The following KIR3DL2 variants were observed in gnomAD, a reference collection of about 807,000 sequenced individuals.
KIR3DL2 encodes the protein killer cell immunoglobulin like receptor, three Ig domains and long cytoplasmic tail 2.
In KIR3DL2, 42 loss-of-function variants were observed where a neutral mutation model predicts 41.6. The observed-to-expected ratio is 1.01, with a 90% CI of 0.79 to 1.31. The LOEUF (loss-of-function observed/expected upper bound fraction) is 1.31. Ranked by LOEUF, KIR3DL2 falls within the 50% of genes most tolerant of loss-of-function variation. The pLI, the probability that KIR3DL2 is intolerant of heterozygous loss-of-function variation, is 0.00. For synonymous variants in KIR3DL2, 230 were observed against 221.3 expected (o/e 1.04, Z -0.35); for missense variants, 728 against 576.8 (o/e 1.26, Z -2.68).
At position 54,866,501 on chromosome 19, in the gene KIR3DL2, T is replaced by C. The variant is rs756095487; in HGVS notation, c.1159-21T>C. ...GAAAAATGTGAGCACCCTCCCTCAC[T>C]CAGCATTTCCCTCTCTCCAGGACTC... is the stretch of plus-strand genomic sequence containing the variant. On this transcript the variant is annotated intron_variant, in intron 8 of 8. Transcript: ENST00000326321. The C allele has an allele frequency of 1.9e-6, 3 of 1,614,018 alleles. No homozygotes were observed. In the South Asian group the frequency reaches 3.3e-5, roughly 18 times the overall value.
Position 54,851,127 on chromosome 19 carries a change from G to C in KIR3DL2, c.35-93G>C, listed in dbSNP as rs1176064332. ...GCTAAGTTTACCTTCAGCCCAGCAAGGGCCTGGCTGCCAAGACACACAGTG... is the reference window on the plus strand; with the variant it reads ...GCTAAGTTTACCTTCAGCCCAGCAACGGCCTGGCTGCCAAGACACACAGTG... On this transcript the variant is annotated intron_variant, in intron 1 of 8. Transcript: ENST00000326321. 7 of 1,498,452 alleles carry C rather than the reference G, an allele frequency of 4.7e-6. No homozygotes were observed. In the African/African-American group the frequency reaches 8.4e-5, roughly 18 times the overall value. 92.8% of individuals were successfully genotyped at this position (1,498,452 alleles called of 1,614,324 possible).
intron 2 of KIR3DL2, 66 bp from the exon 3 acceptor site, chr19:54,851,932 T>C: frequency 1.3e-6 from 2 of 1,577,318 alleles, no homozygotes; most frequent in South Asian, 1.1e-5. Context: ...GAGAATCTTC[T>C]GAGCACAGGG....
intron 1 of KIR3DL2, among the ~76,000 whole-genome samples, 188 bp downstream of exon 1, chr19:54,850,697 C>T (rs2064124088): frequency 6.0e-5 from 7 of 116,716 alleles, no homozygotes; most frequent in African/African-American, 1.0e-4. Flanking sequence ...GAGATATGGG[C>T]CTGGGTGTGG....
chr19:54,866,780 A>G lies in KIR3DL2; in HGVS notation c.*49A>G. 1 of 1,586,446 alleles carries G rather than the reference A, an allele frequency of 6.3e-7. No homozygotes were observed. ...ACCAGGTTGCCAGATCCAATGAACC[A>G]GCAGCTGGAATCTGAAGGCATCAGT... On this transcript the variant is annotated 3_prime_UTR_variant, in exon 9 of 9. Transcript: ENST00000326321.
rs1865095 is a variant in KIR3DL2 at position 54,867,035 on chromosome 19, A to C, written c.*304A>C. ...CTGAGGAACTCACAATTCCAAACAT[A>C]CAAGAGGCTCCCTCTTAACACGGCA... On this transcript the variant is annotated 3_prime_UTR_variant, in exon 9 of 9. Coordinates refer to ENST00000326321, the MANE Select transcript of KIR3DL2 (RefSeq NM_006737.4). 4.4e-6 allele frequency: 2 copies of C among 450,278 alleles called. No individual in the cohort carries two copies. Among genetic ancestry groups the C allele is most frequent in the African/African-American group, 2.0e-5 (1 of 50,158 alleles). 27.9% of individuals were successfully genotyped at this position (450,278 alleles called of 1,614,324 possible).
intron 6 of KIR3DL2, among the ~76,000 whole-genome samples, chr19:54,865,183 C>G (rs2065420454): frequency 6.6e-6 from 1 of 151,940 alleles, no homozygotes; most frequent in African/African-American, 2.4e-5. Context: ...TATATTGAAC[C>G]AGCCTTGCAT....
chr19:54,858,439 A>G (rs375698059), intron 5 of KIR3DL2, among the ~76,000 whole-genome samples: 7 of 148,776 alleles, frequency 4.7e-5, no homozygotes, highest in Non-Finnish European at 8.9e-5. Flanking sequence ...GTCAAAGTCC[A>G]TTAAATGGGC....
intron 3 of KIR3DL2, among the ~76,000 whole-genome samples, chr19:54,852,557 TG>T (rs1231336751): frequency 3.3e-5 from 5 of 151,618 alleles, no homozygotes; most frequent in Admixed American, 1.3e-4. Context: ...GACCTTGAGA[TG>T]GGGAGACAGC....
At chr19:54,862,439 G>C (rs2065240633) in intron 6 of KIR3DL2, among the ~76,000 whole-genome samples, 1 of 152,110 alleles carries the variant, frequency 6.6e-6, no homozygotes, top group Admixed American at 6.5e-5. Context: ...CGTCACTCCA[G>C]GGAGACAGAA....
At chr19:54,861,499 A>T (rs1007924314) in intron 6 of KIR3DL2, among the ~76,000 whole-genome samples, 1 of 151,326 alleles carries the variant, frequency 6.6e-6, no homozygotes, top group Non-Finnish European at 1.5e-5. Flanking sequence ...TACAAAAATT[A>T]AACAGGCATG....
intron 5 of KIR3DL2, among the ~76,000 whole-genome samples, chr19:54,858,420 G>A (rs1330665252): frequency 1.3e-5 from 2 of 148,350 alleles, no homozygotes; most frequent in South Asian, 2.1e-4. Flanking sequence ...GTAAGTTCTC[G>A]GCACCTTTGT....
At position 54,853,891 on chromosome 19, in the gene KIR3DL2, T is replaced by G; in HGVS notation, c.500T>G (p.Leu167Arg). The change falls in exon 4 of 9, where the codon CTC becomes CGC. Residue 167 changes from leucine to arginine, a missense_variant. Physicochemically the swap from Leu to Arg is moderately radical, Grantham distance 102. Coordinates refer to ENST00000326321, the MANE Select transcript of KIR3DL2 (RefSeq NM_006737.4). ...REGISEDPSR[L>R]VGQIHDGVSK... ...GGGATCTCTGAGGACCCCTCACGCC[T>G]CGTTGGACAGATCCATGATGGGGTC... 1 of 1,613,368 alleles carries G rather than the reference T, an allele frequency of 6.2e-7. No individual in the cohort carries two copies. The highest frequency in any genetic ancestry group is 8.5e-7 in the Non-Finnish European group (1 of 1,179,814).
Position 54,855,561 on chromosome 19 carries a change from T to G in KIR3DL2, c.656-58T>G, listed in dbSNP as rs1161861345. ...GGGGAGTGAGTTCTCAGCTCAGGTA[T>G]GAGGGGAGCTGTGACAAGGAAGAAC... On this transcript the variant is annotated intron_variant, in intron 4 of 8. Coordinates refer to ENST00000326321, the MANE Select transcript of KIR3DL2 (RefSeq NM_006737.4). 6 of 1,590,602 alleles carry G rather than the reference T, an allele frequency of 3.8e-6. No homozygotes were observed. The African/African-American group carries it at 6.9e-5, about 18-fold the overall frequency.
At chr19:54,860,420 G>C (rs1348202067) in intron 6 of KIR3DL2, among the ~76,000 whole-genome samples, 5 of 152,054 alleles carry the variant, frequency 3.3e-5, no homozygotes, top group Non-Finnish European at 7.4e-5. Flanking sequence ...GTCCAGGCTA[G>C]AGTGCGGTGG....
At chr19:54,860,883 G>C (rs1314344945) in intron 6 of KIR3DL2, among the ~76,000 whole-genome samples, 3 of 139,942 alleles carry the variant, frequency 2.1e-5, no homozygotes, top group African/African-American at 7.8e-5. Flanking sequence ...TGACTCAAAT[G>C]CTGGGAATGA....
At chr19:54,865,461 C>A (rs1347044215) in intron 6 of KIR3DL2, among the ~76,000 whole-genome samples, 1 of 152,062 alleles carries the variant, frequency 6.6e-6, no homozygotes, top group Non-Finnish European at 1.5e-5. Context: ...ACTTGCTAAC[C>A]CCATCATGTG....
intron 5 of KIR3DL2, 33 bp downstream of exon 5, chr19:54,855,945 T>C (rs779465216): frequency 3.7e-6 from 6 of 1,610,950 alleles, no homozygotes; most frequent in African/African-American, 1.3e-5. Context: ...CCATGTCTTA[T>C]GATCCTAGAG....
At chr19:54,850,759 GAGTGGAGATATGGGCCTGCA>G (rs2064136837) in intron 1 of KIR3DL2, among the ~76,000 whole-genome samples, 1 of 130,984 alleles carries the variant, frequency 7.6e-6, no homozygotes. Context: ...TATGGGCCTG[GAGTGGAGATATGGGCCTGCA>G]GGTGGAGATC....
chr19:54,856,380 G>A (rs2064779539), intron 5 of KIR3DL2, among the ~76,000 whole-genome samples: 1 of 151,718 alleles, frequency 6.6e-6, no homozygotes, highest in East Asian at 1.9e-4. Flanking sequence ...AAAATCTAGT[G>A]GTCATAAATA....
Sources: allele counts gnomAD v4.1 joint callset (sites outside exome capture counted in the v4.1 genomes callset), GRCh38; gene constraint gnomAD v4.1.1; transcripts MANE v1.5; gene names NCBI Gene and HGNC (gene_info 2026-07-23, HGNC 2026-07-21).